SLC44A1: variants seen among roughly 807,000 people sequenced by gnomAD.
SLC44A1 encodes the protein choline transporter-like protein 1.
In SLC44A1, 26 loss-of-function variants were observed where a neutral mutation model predicts 79.3. The ratio of observed to expected loss-of-function variants is 0.33; its 90% CI spans 0.24 to 0.46. The LOEUF is 0.46. Among genes scored for constraint, SLC44A1 ranks in the 20% least tolerant of loss-of-function variants. The probability of loss-of-function intolerance (pLI) is 1.00; values close to 1 mark genes in which losing one functional copy is unlikely to be tolerated. For missense variants in SLC44A1, 688 were observed against 798.1 expected (o/e 0.86, Z 1.66); for synonymous variants, 263 against 286.2 (o/e 0.92, Z 0.82).
chr9:105,406,437 A>G (rs993095185), intron 15 of SLC44A1, among the ~76,000 whole-genome samples: 18 of 152,192 alleles, frequency 1.2e-4, no homozygotes, highest in African/African-American at 3.9e-4. Context: ...CAGCCTATTA[A>G]CAGTAGAAAT....
intron 1 of SLC44A1, chr9:105,294,867 C>CTGTGTGTGTGTGTGTGTG (rs58548571): frequency 7.6e-6 from 1 of 130,800 alleles, no homozygotes; most frequent in Non-Finnish European, 1.6e-5. Context: ...AATTTTGAGT[C>CTGTGTGTGTGTGTGTGTG]TGTGTGTGTG....
chr9:105,272,614 T>C (rs1189893415), intron 1 of SLC44A1, among the ~76,000 whole-genome samples: 1 of 152,046 alleles, frequency 6.6e-6, no homozygotes, highest in Non-Finnish European at 1.5e-5. Flanking sequence ...AAAAGCTGAT[T>C]CATAAAGGTT....
intron 9 of SLC44A1, 89 bp downstream of exon 9, chr9:105,363,096 T>G (rs972382366): frequency 3.8e-5 from 40 of 1,049,884 alleles, no homozygotes; most frequent in Non-Finnish European, 5.5e-5. Context: ...TCTTCAGACA[T>G]TTGTTGATGA....
At chr9:105,397,930 A>T (rs752300250), downstream of SLC44A1, among the ~76,000 whole-genome samples, 28 of 152,072 alleles carry the variant, frequency 1.8e-4, no homozygotes, top group Non-Finnish European at 3.7e-4. Context: ...CCTGGGGGTC[A>T]TAGCGAGACT....
chr9:105,258,392 AG>A (rs1829760420), intron 1 of SLC44A1, among the ~76,000 whole-genome samples: 1 of 152,228 alleles, frequency 6.6e-6, no homozygotes, highest in Admixed American at 6.5e-5. Context: ...ACTGTGTGGT[AG>A]CCTCTGGGCT....
At chr9:105,400,043 G>T (rs951505353), downstream of SLC44A1, among the ~76,000 whole-genome samples, 2 of 151,520 alleles carry the variant, frequency 1.3e-5, no homozygotes, top group Non-Finnish European at 2.9e-5. Context: ...CAAAAATACA[G>T]AATTATCCGG....
At position 105,361,462 on chromosome 9, in the gene SLC44A1, A is replaced by G. The variant is rs897953391; in HGVS notation, c.900+132A>G. ...CCAGTAGATAATATCTCTGTGCCAT[A>G]GTGTATGAAACACTAAAAAGTCTCT... is the stretch of plus-strand genomic sequence containing the variant. On this transcript the variant is annotated intron_variant, in intron 8 of 15. Transcript: ENST00000374720. The G allele has an allele frequency of 5.8e-6, 5 of 869,424 alleles. No homozygotes were observed. The African/African-American group carries it at 6.8e-5, about 12-fold the overall frequency. 53.9% of individuals were successfully genotyped at this position (869,424 alleles called of 1,614,324 possible).
chr9:105,260,550 TTTAAGA>T (rs1829815582), intron 1 of SLC44A1, among the ~76,000 whole-genome samples: 1 of 152,208 alleles, frequency 6.6e-6, no homozygotes, highest in Non-Finnish European at 1.5e-5. Flanking sequence ...CATGTTCTTC[TTTAAGA>T]TATTGGCAAA....
chr9:105,399,686 G>A (rs971781631), downstream of SLC44A1, among the ~76,000 whole-genome samples: 1 of 152,104 alleles, frequency 6.6e-6, no homozygotes, highest in Non-Finnish European at 1.5e-5. Context: ...AGGAAGGACT[G>A]GGCAGGCATT....
At chr9:105,330,627 G>T (rs185559031) in intron 3 of SLC44A1, among the ~76,000 whole-genome samples, 585 of 152,086 alleles carry the variant, frequency 3.8e-3, no homozygotes, top group Admixed American at 8.1e-3. Flanking sequence ...CCTTTGTCTC[G>T]TTTCCCTGTT....
chr9:105,280,800 T>C (rs1773659286), intron 1 of SLC44A1, among the ~76,000 whole-genome samples: 1 of 152,192 alleles, frequency 6.6e-6, no homozygotes, highest in Non-Finnish European at 1.5e-5. Context: ...TTTGCTACAT[T>C]TGCTGATTTC....
intron 1 of SLC44A1, among the ~76,000 whole-genome samples, chr9:105,256,455 GTT>G (rs1268173230): frequency 6.6e-6 from 1 of 151,982 alleles, no homozygotes; most frequent in African/African-American, 2.4e-5. Flanking sequence ...CAGAAGTAGT[GTT>G]TCAGGGCTAA....
chr9:105,415,146 A>C (rs1378734140), intron 15 of SLC44A1, among the ~76,000 whole-genome samples: 2 of 152,184 alleles, frequency 1.3e-5, no homozygotes, highest in Non-Finnish European at 2.9e-5. Flanking sequence ...AGGTTTATTG[A>C]GTGAATCAAC....
At chr9:105,246,273 A>G (rs977832116) in intron 1 of SLC44A1, among the ~76,000 whole-genome samples, 1 of 152,172 alleles carries the variant, frequency 6.6e-6, no homozygotes, top group Non-Finnish European at 1.5e-5. Flanking sequence ...CTTGTTCTGA[A>G]AATCTGAGAT....
chr9:105,328,130 T>G (rs1055526349), intron 3 of SLC44A1, among the ~76,000 whole-genome samples: 5 of 152,228 alleles, frequency 3.3e-5, no homozygotes, highest in African/African-American at 1.2e-4. Flanking sequence ...ATATGCAGCT[T>G]CTTCTTTATT....
At chr9:105,411,756 A>G (rs1023501331) in intron 15 of SLC44A1, among the ~76,000 whole-genome samples, 1 of 152,162 alleles carries the variant, frequency 6.6e-6, no homozygotes, top group Non-Finnish European at 1.5e-5. Flanking sequence ...ATTAGATCCA[A>G]GGTATGCCTT....
At chr9:105,330,497 G>A (rs1243864954) in intron 3 of SLC44A1, among the ~76,000 whole-genome samples, 2 of 152,196 alleles carry the variant, frequency 1.3e-5, no homozygotes, top group Admixed American at 6.5e-5. Context: ...GTTTAAACCA[G>A]TTTTAAACCT....
At chr9:105,319,616 C>T (rs1291909054) in intron 3 of SLC44A1, among the ~76,000 whole-genome samples, 2 of 152,078 alleles carry the variant, frequency 1.3e-5, no homozygotes, top group Admixed American at 1.3e-4. Context: ...GGTCGACGCC[C>T]ACCCTAAATA....
At chr9:105,266,785 A>G (rs930009672) in intron 1 of SLC44A1, among the ~76,000 whole-genome samples, 9 of 152,268 alleles carry the variant, frequency 5.9e-5, no homozygotes, top group East Asian at 1.9e-4. Flanking sequence ...TTTGACTATT[A>G]TAGTTCTTTT....
Sources: gnomAD v4.1 joint callset for allele counts (sites outside exome capture counted in the v4.1 genomes callset) on GRCh38, gnomAD v4.1.1 for gene constraint, MANE v1.5 for transcripts, NCBI Gene and HGNC (gene_info 2026-07-23, HGNC 2026-07-21) for gene names.